The following KCNIP4 variants were observed in gnomAD, a reference collection of about 807,000 sequenced individuals.
KCNIP4 encodes the protein Kv channel-interacting protein 4.
KCNIP4 carries 12 observed loss-of-function variants against 34.0 expected under a neutral mutation model. The ratio of observed to expected loss-of-function variants is 0.35; its 90% CI spans 0.23 to 0.57. The LOEUF (loss-of-function observed/expected upper bound fraction) is 0.57. Among genes scored for constraint, KCNIP4 ranks in the 20% least tolerant of loss-of-function variants. The pLI, the probability that KCNIP4 is intolerant of heterozygous loss-of-function variation, is 0.83. For missense variants in KCNIP4, 238 were observed against 311.7 expected, an observed-to-expected ratio of 0.76 and a Z score of 1.78; for synonymous variants, 124 against 102.2, an observed-to-expected ratio of 1.21 and a Z score of -1.29.
intron 3 of KCNIP4, among the ~76,000 whole-genome samples, chr4:20,774,900 G>C (rs1372438007): frequency 1.3e-5 from 2 of 152,118 alleles, no homozygotes; most frequent in Non-Finnish European, 2.9e-5. Context: ...TCACAAGATA[G>C]GTATCATATA....
At chr4:21,647,309 A>C (rs1577751656) in intron 1 of KCNIP4, among the ~76,000 whole-genome samples, 1 of 152,168 alleles carries the variant, frequency 6.6e-6, no homozygotes, top group African/African-American at 2.4e-5. Context: ...GAAACTGATT[A>C]CTACAATTTA....
At chr4:21,025,317 G>A (rs1740423996) in intron 1 of KCNIP4, among the ~76,000 whole-genome samples, 1 of 152,166 alleles carries the variant, frequency 6.6e-6, no homozygotes, top group East Asian at 1.9e-4. Flanking sequence ...TGAGTAGCTG[G>A]AAGAGTTAAG....
intron 4 of KCNIP4, chr4:20,752,606 C>T (rs1199050578): frequency 6.6e-6 from 1 of 152,100 alleles, no homozygotes; most frequent in Non-Finnish European, 1.5e-5. Flanking sequence ...TAATTTAATG[C>T]AATTTTCTGC....
At chr4:20,893,713 C>A (rs545741776) in intron 1 of KCNIP4, among the ~76,000 whole-genome samples, 2 of 152,018 alleles carry the variant, frequency 1.3e-5, no homozygotes, top group South Asian at 4.2e-4. Context: ...TGTGAGCCAC[C>A]TCACCCAGCC....
At chr4:20,861,408 A>G (rs1463595011) in intron 2 of KCNIP4, among the ~76,000 whole-genome samples, 1 of 152,130 alleles carries the variant, frequency 6.6e-6, no homozygotes, top group Non-Finnish European at 1.5e-5. Flanking sequence ...ACAGGCTGCA[A>G]GTAGAGAGCA....
intron 1 of KCNIP4, among the ~76,000 whole-genome samples, chr4:21,818,449 C>T (rs1722121739): frequency 6.6e-6 from 1 of 152,158 alleles, no homozygotes; most frequent in Non-Finnish European, 1.5e-5. Flanking sequence ...CAGTGGCCTG[C>T]CCTAATTGAA....
intron 1 of KCNIP4, among the ~76,000 whole-genome samples, chr4:21,316,912 C>G (rs1713823355): frequency 6.6e-6 from 1 of 152,132 alleles, no homozygotes; most frequent in African/African-American, 2.4e-5. Context: ...ATTATTAAAC[C>G]AAGTTTACAG....
chr4:21,445,118 TAA>T (rs1727859230), intron 1 of KCNIP4, among the ~76,000 whole-genome samples: 2 of 152,022 alleles, frequency 1.3e-5, no homozygotes, highest in Non-Finnish European at 2.9e-5. Flanking sequence ...CTCAGTGAAA[TAA>T]AAGAGGATAC....
chr4:20,731,725 T>C (rs1289697045), intron 8 of KCNIP4: 1 of 985,248 alleles, frequency 1.0e-6, no homozygotes, highest in East Asian at 1.1e-4. Flanking sequence ...TGTTTTATCC[T>C]CCATGAATAC....
intron 1 of KCNIP4, among the ~76,000 whole-genome samples, chr4:21,139,459 C>T (rs943568990): frequency 1.3e-5 from 2 of 152,116 alleles, no homozygotes; most frequent in African/African-American, 4.8e-5. Flanking sequence ...GCCCAGATGC[C>T]CCTTCAATGA....
chr4:20,870,047 G>A (rs951834355), intron 2 of KCNIP4, among the ~76,000 whole-genome samples: 1 of 152,092 alleles, frequency 6.6e-6, no homozygotes, highest in African/African-American at 2.4e-5. Context: ...TTATTAAAAT[G>A]TTCTTTGAGA....
chr4:21,468,438 A>T (rs1730174242), intron 1 of KCNIP4, among the ~76,000 whole-genome samples: 1 of 152,180 alleles, frequency 6.6e-6, no homozygotes, highest in Non-Finnish European at 1.5e-5. Context: ...AACATTTCAG[A>T]ACAAGAGAAA....
intron 1 of KCNIP4, among the ~76,000 whole-genome samples, chr4:21,683,314 A>G (rs1292293053): frequency 6.6e-6 from 1 of 152,082 alleles, no homozygotes; most frequent in Admixed American, 6.6e-5. Context: ...TTAAGTCTTC[A>G]TGTCACTTGC....
intron 1 of KCNIP4, among the ~76,000 whole-genome samples, chr4:21,783,447 G>A (rs563093289): frequency 1.1e-3 from 168 of 152,138 alleles, no homozygotes; most frequent in Non-Finnish European, 2.0e-3. Flanking sequence ...GGGCAGGCAG[G>A]AAACTACAGA....
intron 1 of KCNIP4, among the ~76,000 whole-genome samples, chr4:21,308,997 C>G (rs1712818818): frequency 6.6e-6 from 1 of 152,050 alleles, no homozygotes; most frequent in Non-Finnish European, 1.5e-5. Context: ...TTTTGCACTT[C>G]AGAGCGTACC....
At chr4:20,965,869 T>C (rs980976201) in intron 1 of KCNIP4, among the ~76,000 whole-genome samples, 1 of 152,216 alleles carries the variant, frequency 6.6e-6, no homozygotes, top group Non-Finnish European at 1.5e-5. Flanking sequence ...GCTAACTTAC[T>C]ATTTTGAGCT....
chr4:21,305,780 T>C (rs1712397780), intron 1 of KCNIP4, among the ~76,000 whole-genome samples: 1 of 152,218 alleles, frequency 6.6e-6, no homozygotes, highest in Admixed American at 6.5e-5. Context: ...TTGCTCTATC[T>C]ATTTAGAAAA....
intron 1 of KCNIP4, among the ~76,000 whole-genome samples, chr4:21,537,211 T>C (rs1737249555): frequency 6.6e-6 from 1 of 152,196 alleles, no homozygotes; most frequent in African/African-American, 2.4e-5. Context: ...CTACAGGAGA[T>C]CAAGGTTCTG....
chr4:21,845,154 C>T (rs546206920), intron 1 of KCNIP4: 8 of 152,112 alleles, frequency 5.3e-5, no homozygotes, highest in African/African-American at 1.9e-4. Flanking sequence ...CCTCCCAATA[C>T]CATTGCTCTA....
Sources: gnomAD v4.1 joint callset for allele counts (sites outside exome capture counted in the v4.1 genomes callset) on GRCh38, gnomAD v4.1.1 for gene constraint, MANE v1.5 for transcripts, NCBI Gene and HGNC (gene_info 2026-07-23, HGNC 2026-07-21) for gene names.